GPHN: variants seen among roughly 807,000 people sequenced by gnomAD.
The protein encoded by GPHN is gephyrin.
Under a neutral mutation model 95.5 loss-of-function variants are expected in GPHN, and 17 were observed. The observed-to-expected ratio is 0.18, with a 90% CI of 0.12 to 0.27. GPHN has a LOEUF of 0.27. Among genes scored for constraint, GPHN ranks in the 10% least tolerant of loss-of-function variants. GPHN has a pLI of 1.00. For synonymous variants in GPHN, 320 were observed against 322.5 expected, an observed-to-expected ratio of 0.99 and a Z score of 0.08; for missense variants, 660 against 978.1, an observed-to-expected ratio of 0.67 and a Z score of 4.34.
At chr14:67,281,220 C>T in the GPHN span, among the ~76,000 whole-genome samples, 1 of 152,022 alleles carries the variant, frequency 6.6e-6, no homozygotes, top group Non-Finnish European at 1.5e-5. Flanking sequence ...GTTTCTACTA[C>T]ATCACATCAT....
the GPHN span, among the ~76,000 whole-genome samples, chr14:67,413,396 C>T: frequency 1.3e-5 from 2 of 152,174 alleles, no homozygotes; most frequent in African/African-American, 2.4e-5. Flanking sequence ...GTCATGGGGC[C>T]GGTCCATATT....
At chr14:67,327,970 T>A in the GPHN span, among the ~76,000 whole-genome samples, 3 of 152,254 alleles carry the variant, frequency 2.0e-5, no homozygotes, top group Admixed American at 6.5e-5. Context: ...TATAGCAGCA[T>A]GATTTATAAT....
intron 9 of GPHN, among the ~76,000 whole-genome samples, chr14:67,020,858 C>T (rs1050268845): frequency 2.0e-5 from 3 of 151,986 alleles, no homozygotes; most frequent in Admixed American, 1.3e-4. Flanking sequence ...ACAAATTTAA[C>T]GTTAGGCCAA....
At chr14:66,627,148 A>G (rs979600535) in intron 1 of GPHN, among the ~76,000 whole-genome samples, 2 of 152,134 alleles carry the variant, frequency 1.3e-5, no homozygotes, top group Non-Finnish European at 2.9e-5. Flanking sequence ...AACTTAAGAA[A>G]TAAAACATTA....
the GPHN span, among the ~76,000 whole-genome samples, chr14:67,709,440 T>C: frequency 1.3e-5 from 2 of 152,250 alleles, no homozygotes; most frequent in Non-Finnish European, 2.9e-5. Flanking sequence ...ATAACCTTTA[T>C]AACCTTTAGG....
the GPHN span, among the ~76,000 whole-genome samples, chr14:67,389,907 A>G: frequency 1.3e-5 from 2 of 152,116 alleles, no homozygotes; most frequent in African/African-American, 4.8e-5. Flanking sequence ...AGAGAGGTCA[A>G]CTGGAGCTTT....
chr14:67,086,582 G>C (rs1408516277), intron 11 of GPHN, among the ~76,000 whole-genome samples: 1 of 149,174 alleles, frequency 6.7e-6, no homozygotes, highest in Non-Finnish European at 1.5e-5. Context: ...ACCCCAGGGG[G>C]CGGAGCCTGC....
intron 9 of GPHN, among the ~76,000 whole-genome samples, chr14:67,022,572 T>TGG (rs1293498836): frequency 8.8e-6 from 1 of 113,486 alleles, no homozygotes; most frequent in African/African-American, 3.4e-5. Context: ...TTTTTTGGTG[T>TGG]GTGTGTGTGT....
intron 11 of GPHN, among the ~76,000 whole-genome samples, chr14:67,086,039 T>A (rs1046919179): frequency 6.6e-6 from 1 of 152,212 alleles, no homozygotes; most frequent in Non-Finnish European, 1.5e-5. Flanking sequence ...TAGTCAGAAT[T>A]TCCTTCCTTT....
chr14:66,819,634 T>C (rs1285332818), intron 3 of GPHN, among the ~76,000 whole-genome samples: 1 of 151,996 alleles, frequency 6.6e-6, no homozygotes, highest in Non-Finnish European at 1.5e-5. Flanking sequence ...TTTGCTTTTG[T>C]TTTTGTTTTT....
chr14:67,689,444 T>C, the GPHN span, among the ~76,000 whole-genome samples: 1 of 152,302 alleles, frequency 6.6e-6, no homozygotes, highest in South Asian at 2.1e-4. Context: ...TTCCCTCTTA[T>C]TTGATGCTTT....
chr14:66,515,876 C>T (rs1009977391), intron 1 of GPHN, among the ~76,000 whole-genome samples: 6 of 152,206 alleles, frequency 3.9e-5, no homozygotes, highest in African/African-American at 1.4e-4. Context: ...AAACATTATT[C>T]AGTCAAGTTG....
At chr14:66,932,467 TTTTTTTTTTTTTTC>T (rs2066874860) in intron 8 of GPHN, among the ~76,000 whole-genome samples, 1 of 136,410 alleles carries the variant, frequency 7.3e-6, no homozygotes, top group African/African-American at 2.8e-5. Context: ...TTTTTTTTTT[TTTTTTTTTTTTTTC>T]AGTGCAGCAG....
intron 2 of GPHN, among the ~76,000 whole-genome samples, chr14:66,683,095 T>A (rs1386928310): frequency 6.6e-6 from 1 of 151,566 alleles, no homozygotes; most frequent in African/African-American, 2.4e-5. Context: ...GGAAATATCT[T>A]AATATAGCAT....
the GPHN span, among the ~76,000 whole-genome samples, chr14:67,432,425 CT>C: frequency 2.6e-5 from 4 of 152,236 alleles, no homozygotes; most frequent in Admixed American, 6.5e-5. Flanking sequence ...CAAAGAGAGA[CT>C]TGCAGTTGGT....
intron 4 of GPHN, among the ~76,000 whole-genome samples, chr14:66,839,284 A>C (rs1178772719): frequency 1.3e-5 from 2 of 152,248 alleles, no homozygotes; most frequent in Non-Finnish European, 2.9e-5. Context: ...GGAAGGACTA[A>C]TTGATATACA....
At chr14:66,596,698 A>T (rs1385838599) in intron 1 of GPHN, among the ~76,000 whole-genome samples, 1 of 152,200 alleles carries the variant, frequency 6.6e-6, no homozygotes, top group African/African-American at 2.4e-5. Context: ...AGGAGCAGTC[A>T]CTTACAAGCT....
At chr14:66,678,846 AAC>A (rs1679368688) in intron 1 of GPHN, among the ~76,000 whole-genome samples, 1 of 152,170 alleles carries the variant, frequency 6.6e-6, no homozygotes, top group African/African-American at 2.4e-5. Context: ...AAATAATGTT[AAC>A]AGTGTCTGCA....
At chr14:67,216,717 C>T in the GPHN span, among the ~76,000 whole-genome samples, 22 of 151,878 alleles carry the variant, frequency 1.4e-4, no homozygotes, top group African/African-American at 2.4e-4. Context: ...TTTGAATGTT[C>T]CTGTTGTTAT....
Sources: gnomAD v4.1 joint callset for allele counts (sites outside exome capture counted in the v4.1 genomes callset) on GRCh38, gnomAD v4.1.1 for gene constraint, MANE v1.5 for transcripts, NCBI Gene and HGNC (gene_info 2026-07-23, HGNC 2026-07-21) for gene names.